LHPP: variants seen among roughly 807,000 people sequenced by gnomAD.
LHPP encodes hLHPP.
Under a neutral mutation model 30.3 loss-of-function variants are expected in LHPP, and 24 were observed. That is an observed-to-expected ratio of 0.79 (90% CI 0.57 to 1.11). The LOEUF is 1.11. LHPP is among the 50% of genes most tolerant of loss of function. The pLI is 0.00. For synonymous variants in LHPP, 150 were observed against 157.1 expected (o/e 0.95, Z 0.34); for missense variants, 356 against 367.2 (o/e 0.97, Z 0.25).
At position 124,517,414 on chromosome 10, in the gene LHPP, G is replaced by A. The variant is rs1380729291; in HGVS notation, c.716+143G>A. ...GGCATTCACTATCTTGTATGTAATG[G>A]ACCTCTAAGAACAGGGCTGAGTGGT... On this transcript the variant is annotated intron_variant, in intron 6 of 6. Transcript: ENST00000368842. This position sits in a 1 kb window ranked among gnomAD's most constrained non-coding sequence, Gnocchi z 4.1. 2 of 545,420 alleles carry A rather than the reference G, an allele frequency of 3.7e-6. No individual in the cohort carries two copies. Among genetic ancestry groups the A allele is most frequent in the Non-Finnish European group, 6.3e-6 (2 of 315,682 alleles). The allele number at this position is 545,420 out of a possible 1,614,324, so 33.8% of individuals were successfully genotyped here.
chr10:124,535,828 C>T (rs1445565408), intron 6 of LHPP, among the ~76,000 whole-genome samples: 1 of 152,272 alleles, frequency 6.6e-6, no homozygotes, highest in Non-Finnish European at 1.5e-5. Context: ...CTCAGTGCCA[C>T]AGGGCTGCAA....
chr10:124,534,136 T>G (rs1954962464), intron 6 of LHPP, among the ~76,000 whole-genome samples: 1 of 152,126 alleles, frequency 6.6e-6, no homozygotes, highest in Admixed American at 6.5e-5. Context: ...GCCCTAGGCG[T>G]GATAAGTGAG....
chr10:124,510,770 G>C lies in LHPP; in HGVS notation c.625-6410G>C, dbSNP rs1352693778. Among the ~76,000 whole-genome samples the C allele has an allele frequency of 6.6e-6, 1 of 152,264 alleles. No homozygotes were observed. Among genetic ancestry groups the C allele is most frequent in the African/African-American group, 2.4e-5 (1 of 41,468 alleles). On this transcript the variant is annotated intron_variant, in intron 5 of 6. Transcript: ENST00000368842. This position sits in a 1 kb window ranked among gnomAD's most constrained non-coding sequence, Gnocchi z 4.0. Reference sequence around the variant, plus strand: ...GATGGCCCTGGAGTCTCTGGCAGCAGTGGACATGGTCCTGAATTGGAGTGC... The same window carrying C: ...GATGGCCCTGGAGTCTCTGGCAGCACTGGACATGGTCCTGAATTGGAGTGC...
chr10:124,602,182 C>G (rs2362506), intron 6 of LHPP, among the ~76,000 whole-genome samples: 90,870 of 152,112 alleles, frequency 0.6, 27,332 homozygotes, highest in East Asian at 0.68. Context: ...GATTCTTGTG[C>G]GAGGGAGACG....
At chr10:124,495,427 G>T (rs528648698) in intron 3 of LHPP, among the ~76,000 whole-genome samples, 1 of 152,234 alleles carries the variant, frequency 6.6e-6, no homozygotes, top group Non-Finnish European at 1.5e-5. Context: ...GCTGAAGCCC[G>T]TACCTGCAGC....
intron 2 of LHPP, 87 bp downstream of exon 2, chr10:124,484,413 G>A (rs902922850): frequency 1.7e-4 from 219 of 1,296,310 alleles, no homozygotes; most frequent in Non-Finnish European, 2.2e-4. Context: ...CTTTCACTGG[G>A]CCAAACCACT....
intron 6 of LHPP, among the ~76,000 whole-genome samples, chr10:124,519,243 C>T (rs1290712560): frequency 6.6e-6 from 1 of 152,228 alleles, no homozygotes; most frequent in Non-Finnish European, 1.5e-5. Context: ...CCACCGCGCC[C>T]GGCCCCAGAG....
intron 1 of LHPP, among the ~76,000 whole-genome samples, chr10:124,469,150 C>T (rs1952647754): frequency 6.6e-6 from 1 of 152,044 alleles, no homozygotes; most frequent in South Asian, 2.1e-4. Context: ...AAAGGAAGTT[C>T]CTGGGGTGAG....
chr10:124,533,215 A>G (rs1275302711), intron 6 of LHPP, among the ~76,000 whole-genome samples: 1 of 152,186 alleles, frequency 6.6e-6, no homozygotes, highest in African/African-American at 2.4e-5. Context: ...ACACTTCTGG[A>G]TAGAACCACA....
At chr10:124,558,248 C>A (rs1181592044) in intron 6 of LHPP, among the ~76,000 whole-genome samples, 6 of 152,190 alleles carry the variant, frequency 3.9e-5, no homozygotes, top group African/African-American at 1.4e-4. Flanking sequence ...CCTGTGGCCT[C>A]CCTGAGTGGA....
chr10:124,548,400 G>A lies in LHPP; in HGVS notation c.716+31129G>A, dbSNP rs114011529. Among the ~76,000 whole-genome samples the A allele has an allele frequency of 3.7e-3, 566 of 152,232 alleles. 3 individuals carry two copies. The highest frequency in any genetic ancestry group is 0.013 in the African/African-American group (538 of 41,522). On this transcript the variant is annotated intron_variant, in intron 6 of 6. Transcript: ENST00000368842. Reference sequence around the variant, plus strand: ...GCTCCACCATAGCCAGTAGAGGGAGGGCTCTGTTTACCTCCTTCCAAGTTC... The same window carrying A: ...GCTCCACCATAGCCAGTAGAGGGAGAGCTCTGTTTACCTCCTTCCAAGTTC...
intron 6 of LHPP, among the ~76,000 whole-genome samples, chr10:124,589,298 C>T (rs1020177407): frequency 9.2e-5 from 14 of 152,228 alleles, no homozygotes; most frequent in East Asian, 1.9e-4. Context: ...CAGTGTGCAC[C>T]GCAGGTCCTA....
intron 6 of LHPP, among the ~76,000 whole-genome samples, chr10:124,532,390 A>G (rs7918893): frequency 0.96 from 146,204 of 152,338 alleles, 70,451 homozygotes; most frequent in East Asian, 1. Flanking sequence ...ACATGCGTCC[A>G]TGCTTACCCT....
intron 6 of LHPP, among the ~76,000 whole-genome samples, chr10:124,568,044 G>C (rs920895577): frequency 2.6e-5 from 4 of 152,082 alleles, no homozygotes; most frequent in African/African-American, 7.2e-5. Flanking sequence ...TCCTTAGTAG[G>C]GGGGGACTAC....
At chr10:124,558,495 G>A (rs534820167) in intron 6 of LHPP, among the ~76,000 whole-genome samples, 11 of 152,348 alleles carry the variant, frequency 7.2e-5, no homozygotes, top group African/African-American at 2.2e-4. Flanking sequence ...GCGTTGGAGC[G>A]TCTCAGCCTC....
At chr10:124,572,699 A>AAGGG (rs1261302435) in intron 6 of LHPP, among the ~76,000 whole-genome samples, 1 of 141,606 alleles carries the variant, frequency 7.1e-6, no homozygotes, top group Non-Finnish European at 1.5e-5. Context: ...GGGAGGAAGG[A>AAGGG]AGGGAGGGAG....
intron 6 of LHPP, among the ~76,000 whole-genome samples, chr10:124,594,628 C>CT (rs60757373): frequency 0.42 from 60,166 of 143,620 alleles, 12,903 homozygotes; most frequent in Non-Finnish European, 0.49. Context: ...ATTCAGTAAA[C>CT]TTTTTTTTTT....
rs546576100 is a variant in LHPP at position 124,537,347 on chromosome 10, G to T, written c.716+20076G>T. 2.0e-5 allele frequency among the ~76,000 whole-genome samples: 3 copies of T among 152,342 alleles called. No homozygotes were observed. The East Asian group carries it at 5.8e-4, about 29-fold the overall frequency. Reference sequence around the variant, plus strand: ...TTCTGCCCGTGAGATCCTCCTTGTTGCCAGACATGAGGACCTGGACTGGCA... The same window carrying T: ...TTCTGCCCGTGAGATCCTCCTTGTTTCCAGACATGAGGACCTGGACTGGCA... On this transcript the variant is annotated intron_variant, in intron 6 of 6. Coordinates refer to ENST00000368842, the MANE Select transcript of LHPP (RefSeq NM_022126.4).
Position 124,473,275 on chromosome 10 carries a change from C to G in LHPP, c.126-10864C>G, listed in dbSNP as rs566569638. Among the ~76,000 whole-genome samples, 4 of 152,322 alleles carry G rather than the reference C, an allele frequency of 2.6e-5. No homozygotes were observed. In the South Asian group the frequency reaches 8.3e-4, roughly 32 times the overall value. On this transcript the variant is annotated intron_variant, in intron 1 of 6. Transcript: ENST00000368842. ...GGCAAAGCAGTGCCACACCTGCCCA[C>G]TGTGGTGTGCAGGGTGATTTCCCAG...
Sources: gnomAD v4.1 joint callset for allele counts (sites outside exome capture counted in the v4.1 genomes callset) on GRCh38, gnomAD v4.1.1 for gene constraint, Gnocchi (gnomAD v3.1) non-coding constraint, MANE v1.5 for transcripts, NCBI Gene and HGNC (gene_info 2026-07-23, HGNC 2026-07-21) for gene names.